The following GALNT13 variants were observed in gnomAD, a reference collection of about 807,000 sequenced individuals.
The protein encoded by GALNT13 is UDP-GalNAc:polypeptide N-acetylgalactosaminyltransferase 13.
A neutral mutation model predicts 64.2 loss-of-function variants in GALNT13; 28 were observed. The ratio of observed to expected loss-of-function variants is 0.44; its 90% confidence interval spans 0.32 to 0.60. GALNT13 has a LOEUF of 0.60. Ranked by LOEUF, GALNT13 falls within the 20% of genes least tolerant of loss-of-function variation. GALNT13 has a pLI of 0.05. For missense variants in GALNT13, 577 were observed against 669.8 expected (o/e 0.86, Z 1.53); for synonymous variants, 214 against 224.6 (o/e 0.95, Z 0.42).
the GALNT13 span, among the ~76,000 whole-genome samples, chr2:153,555,190 C>CTTTTTTT: frequency 8.6e-5 from 9 of 105,212 alleles, 1 homozygote; most frequent in African/African-American, 2.2e-4. Flanking sequence ...AGAAGCTTTA[C>CTTTTTTT]TTTTTTTTTT....
intron 4 of GALNT13, among the ~76,000 whole-genome samples, chr2:154,196,076 G>T (rs942259233): frequency 2.3e-4 from 35 of 152,180 alleles, no homozygotes; most frequent in African/African-American, 7.9e-4. Context: ...TGTCTTTTGG[G>T]TAAAAAGCTT....
At chr2:153,720,022 A>G in the GALNT13 span, among the ~76,000 whole-genome samples, 4 of 150,388 alleles carry the variant, frequency 2.7e-5, no homozygotes, top group Non-Finnish European at 4.5e-5. Flanking sequence ...ACAGACAAAC[A>G]AAAAGACAGC....
chr2:153,313,907 T>A, the GALNT13 span, among the ~76,000 whole-genome samples: 1 of 152,296 alleles, frequency 6.6e-6, no homozygotes, highest in African/African-American at 2.4e-5. Context: ...TTTCCTTTTT[T>A]AAAAAATTTC....
chr2:153,694,274 C>A, the GALNT13 span, among the ~76,000 whole-genome samples: 1 of 151,996 alleles, frequency 6.6e-6, no homozygotes, highest in South Asian at 2.1e-4. Context: ...ACAAGGAGGC[C>A]GTATGCATAG....
chr2:153,417,480 T>C, the GALNT13 span, among the ~76,000 whole-genome samples: 1 of 152,192 alleles, frequency 6.6e-6, no homozygotes, highest in Non-Finnish European at 1.5e-5. Context: ...ATTGCCATAA[T>C]CCAGGCGAGA....
At chr2:153,742,350 A>C in the GALNT13 span, among the ~76,000 whole-genome samples, 1 of 152,120 alleles carries the variant, frequency 6.6e-6, no homozygotes, top group Non-Finnish European at 1.5e-5. Context: ...ATAATACTTC[A>C]TTGTGTATAT....
At chr2:153,600,302 C>A in the GALNT13 span, among the ~76,000 whole-genome samples, 2 of 151,782 alleles carry the variant, frequency 1.3e-5, no homozygotes, top group Non-Finnish European at 2.9e-5. Context: ...ATATAACATG[C>A]AATTTTATTT....
chr2:153,549,088 C>T, the GALNT13 span, among the ~76,000 whole-genome samples: 9 of 151,974 alleles, frequency 5.9e-5, no homozygotes, highest in Admixed American at 1.3e-4. Flanking sequence ...AATAGATTAG[C>T]GGTTGCCAGG....
At chr2:154,055,608 G>A (rs1240596027) in intron 3 of GALNT13, among the ~76,000 whole-genome samples, 1 of 152,078 alleles carries the variant, frequency 6.6e-6, no homozygotes, top group African/African-American at 2.4e-5. Flanking sequence ...AGAAAGCCCT[G>A]TGGATAGAGA....
the GALNT13 span, among the ~76,000 whole-genome samples, chr2:153,630,700 A>G: frequency 2.1e-5 from 3 of 141,536 alleles, no homozygotes; most frequent in Admixed American, 7.1e-5. Context: ...AAAAAAATTA[A>G]TTCAAGATGG....
intron 3 of GALNT13, among the ~76,000 whole-genome samples, chr2:154,071,359 A>C (rs1700732818): frequency 6.6e-6 from 1 of 152,178 alleles, no homozygotes; most frequent in Admixed American, 6.6e-5. Context: ...GTGTTACAGC[A>C]TGTGTAACAA....
intron 8 of GALNT13, among the ~76,000 whole-genome samples, chr2:154,298,631 TATAATTTATATATACATTGTATATACA>T (rs1312791541): frequency 1.2e-5 from 1 of 85,792 alleles, no homozygotes; most frequent in South Asian, 3.2e-4. Flanking sequence ...ACATTGTATA[TATAATTTATATATACATTGTATATACA>T]ATTTATATAT....
chr2:153,457,707 A>G, the GALNT13 span, among the ~76,000 whole-genome samples: 1 of 152,226 alleles, frequency 6.6e-6, no homozygotes, highest in African/African-American at 2.4e-5. Flanking sequence ...TGATTCTAAC[A>G]TCACTGCCTG....
At chr2:153,133,109 AT>A in the GALNT13 span, among the ~76,000 whole-genome samples, 1 of 149,314 alleles carries the variant, frequency 6.7e-6, no homozygotes, top group East Asian at 2.0e-4. Context: ...TCACTGAAGG[AT>A]TGGAGTAAAT....
At chr2:154,300,366 G>A (rs1693370763) in intron 8 of GALNT13, among the ~76,000 whole-genome samples, 1 of 152,020 alleles carries the variant, frequency 6.6e-6, no homozygotes, top group Non-Finnish European at 1.5e-5. Context: ...GCCTCCCAAA[G>A]TGGTGGGATT....
chr2:154,387,612 T>C (rs1021230777), intron 9 of GALNT13, among the ~76,000 whole-genome samples: 2 of 152,154 alleles, frequency 1.3e-5, no homozygotes, highest in African/African-American at 4.8e-5. Flanking sequence ...TAACCATCAT[T>C]CTATTCTCTA....
At chr2:153,131,376 T>A in the GALNT13 span, among the ~76,000 whole-genome samples, 26 of 152,070 alleles carry the variant, frequency 1.7e-4, no homozygotes, top group Non-Finnish European at 4.4e-5. Context: ...ATGAGTAAAT[T>A]GATGGGTGAC....
chr2:153,697,880 G>C, the GALNT13 span, among the ~76,000 whole-genome samples: 1 of 152,186 alleles, frequency 6.6e-6, no homozygotes, highest in Non-Finnish European at 1.5e-5. Flanking sequence ...GAATTTATTG[G>C]CATAATCCAG....
chr2:154,239,258 T>G (rs572862931), intron 4 of GALNT13, among the ~76,000 whole-genome samples: 1 of 152,124 alleles, frequency 6.6e-6, no homozygotes, highest in African/African-American at 2.4e-5. Flanking sequence ...TTTAAATCAT[T>G]TAATTGTTGG....
Sources: allele counts gnomAD v4.1 joint callset (sites outside exome capture counted in the v4.1 genomes callset), GRCh38; gene constraint gnomAD v4.1.1; transcripts MANE v1.5; gene names NCBI Gene and HGNC (gene_info 2026-07-23, HGNC 2026-07-21).